Variants in ZNF71 observed in about 807,000 individuals in gnomAD.
The protein encoded by ZNF71 is endothelial zinc finger protein induced by tumor necrosis factor alpha.
A neutral mutation model predicts 6.7 loss-of-function variants in ZNF71; 3 were observed. The observed-to-expected ratio is 0.45, with a 90% CI of 0.20 to 1.16. ZNF71 has a LOEUF of 1.16. Ranked by LOEUF, ZNF71 falls within the 50% of genes most tolerant of loss-of-function variation. ZNF71 has a pLI of 0.25. For synonymous variants in ZNF71, 343 were observed against 311.1 expected, an observed-to-expected ratio of 1.10 and a Z score of -1.08; for missense variants, 688 against 728.6, an observed-to-expected ratio of 0.94 and a Z score of 0.64.
intron 1 of ZNF71, among the ~76,000 whole-genome samples, chr19:56,597,721 A>G (rs1232950750): frequency 1.4e-5 from 2 of 139,134 alleles, no homozygotes; most frequent in Non-Finnish European, 3.1e-5. Flanking sequence ...TTTTGTTTTC[A>G]GGGTTTTTTT....
Position 56,618,040 on chromosome 19 carries a change from A to G in ZNF71, c.161-3228A>G, listed in dbSNP as rs10405623. 0.32 allele frequency among the ~76,000 whole-genome samples: 48,630 copies of G among 151,772 alleles called. 9,806 individuals are homozygous for G. Among genetic ancestry groups the G allele is most frequent in the East Asian group, 0.67 (3,405 of 5,112 alleles). On this transcript the variant is annotated intron_variant, in intron 3 of 3. Coordinates refer to ENST00000599599, the MANE Select transcript of ZNF71 (RefSeq NM_001370215.1). The surrounding 1 kb of genome is among the most constrained non-coding windows in gnomAD (Gnocchi z 4.6). The stretch of plus-strand genomic sequence containing the variant: ...CACCGAGTCTACACCCCACACTACC[A>G]TCTGTGCCAGCATCTGGGCATTGTG...
At chr19:56,614,003 A>T (rs1284843385) in intron 3 of ZNF71, 65 bp downstream of exon 3, 17 of 651,830 alleles carry the variant, frequency 2.6e-5, no homozygotes, top group African/African-American at 4.6e-5. Context: ...AAATAAATTA[A>T]AAAAAAAAAA....
At chr19:56,619,925 A>G (rs1359372199) in intron 3 of ZNF71, among the ~76,000 whole-genome samples, 1 of 152,230 alleles carries the variant, frequency 6.6e-6, no homozygotes, top group Non-Finnish European at 1.5e-5. Context: ...ATCGAGGTTT[A>G]GAAATGAACA....
chr19:56,621,371 T>C lies in ZNF71; in HGVS notation c.264T>C (p.Asn88=), dbSNP rs1457813632. The change falls in exon 4 of 4, where the codon AAT becomes AAC. Residue 88 remains asparagine, a synonymous_variant. Coordinates refer to ENST00000599599, the MANE Select transcript of ZNF71 (RefSeq NM_001370215.1). Reference sequence around the variant, plus strand: ...AGGCCACGGGGGGACCCACGAGGAATGGTGCCAGGGGTCCTGGCTCAGAAG... The same window carrying C: ...AGGCCACGGGGGGACCCACGAGGAACGGTGCCAGGGGTCCTGGCTCAGAAG... The part of the protein sequence containing the change: ...VGEATGGPTR[N]GARGPGSEGV... 1.9e-6 allele frequency: 3 copies of C among 1,591,638 alleles called. No individual in the cohort carries two copies. The highest frequency in any genetic ancestry group is 2.6e-6 in the Non-Finnish European group (3 of 1,167,316).
In ZNF71 at chr19:56,623,426, A is replaced by T. The variant is rs1029851939; in HGVS notation, c.*669A>T. The T allele has an allele frequency of 6.0e-6, 1 of 167,114 alleles. No homozygotes were observed. Among genetic ancestry groups the T allele is most frequent in the Non-Finnish European group, 1.5e-5 (1 of 68,140 alleles). The allele number at this position is 167,114 out of a possible 1,614,324, so 10.4% of individuals were successfully genotyped here. A position where few individuals can be genotyped will look rare whatever the true frequency, so the allele number is the denominator to read the frequency against. ...TTTTTAAAAATAAAACTTTTAATTA[A>T]GGGAGACTATGTTATTTTAAACAGT... On this transcript the variant is annotated 3_prime_UTR_variant, in exon 4 of 4. Transcript: ENST00000599599.
rs990054898 is a variant in ZNF71, at chr19:56,618,630, G to A, written c.161-2638G>A. Among the ~76,000 whole-genome samples, 4 of 152,156 alleles carry A rather than the reference G, an allele frequency of 2.6e-5. No homozygotes were observed. The highest frequency in any genetic ancestry group is 2.0e-4 in the Admixed American group (3 of 15,282). ...GGTGGATTGGGAAGGCTCCCGTGGG[G>A]TTGTGGGGAAACAGGCCTGAAGGAT... On this transcript the variant is annotated intron_variant, in intron 3 of 3. Transcript: ENST00000599599. The surrounding 1 kb of genome is among the most constrained non-coding windows in gnomAD (Gnocchi z 4.6).
In ZNF71 at chr19:56,621,313, A is replaced by T; in HGVS notation, c.206A>T (p.Asp69Val). ...ATGAAAGAGTTGGATCCAAAGAATG[A>T]CATTTCGGAAGACAAGCTCTCCGTT... is the stretch of plus-strand genomic sequence containing the variant. ...PEMKELDPKNDISEDKLSVVG... is the reference protein window; with the variant it reads ...PEMKELDPKNVISEDKLSVVG... Residue 69 changes from aspartate to valine, a missense_variant, in exon 4 of 4, where the codon GAC becomes GTC. Asp to Val is a radical substitution (Grantham distance 152). Transcript: ENST00000599599. The T allele has an allele frequency of 6.6e-7, 1 of 1,523,372 alleles. No homozygotes were observed. Among genetic ancestry groups the T allele is most frequent in the Non-Finnish European group, 8.8e-7 (1 of 1,137,412 alleles). The allele number at this position is 1,523,372 out of a possible 1,614,324, so 94.4% of individuals were successfully genotyped here.
In ZNF71 at chr19:56,622,760, G is replaced by T. The variant is rs758050277; in HGVS notation, c.*3G>T. On this transcript the variant is annotated 3_prime_UTR_variant, in exon 4 of 4. Transcript: ENST00000599599. ...GCCACCTGCGGATTCACACCTGAGC[G>T]CCTCTGTGCAGGGCTCTCACTGGCG... The T allele has an allele frequency of 6.3e-7, 1 of 1,591,382 alleles. No homozygotes were observed. The highest frequency in any genetic ancestry group is 1.2e-5 in the South Asian group (1 of 86,378).
intron 2 of ZNF71, among the ~76,000 whole-genome samples, chr19:56,605,311 C>T (rs1213026504): frequency 2.6e-5 from 4 of 152,124 alleles, no homozygotes; most frequent in Non-Finnish European, 5.9e-5. Flanking sequence ...ACTCACATGC[C>T]ATGCTGTGAG....
At chr19:56,600,593 A>G (rs964017438) in intron 1 of ZNF71, among the ~76,000 whole-genome samples, 1 of 151,588 alleles carries the variant, frequency 6.6e-6, no homozygotes, top group South Asian at 2.1e-4. Context: ...TCTAGTCTCT[A>G]TCTCCATGAG....
At position 56,622,417 on chromosome 19, in the gene ZNF71, C is replaced by G; in HGVS notation, c.1310C>G (p.Thr437Ser). ...CTCACGCAGCACCAGCGCATCCACA[C>G]CGGCGAGAAGCCCTACGAGTGCTAC... is the stretch of plus-strand genomic sequence containing the variant. ...SSLTQHQRIH[T>S]GEKPYECYIC... The change falls in exon 4 of 4, where the codon ACC becomes AGC. Residue 437 changes from threonine to serine, a missense_variant. Coordinates refer to ENST00000599599, the MANE Select transcript of ZNF71 (RefSeq NM_001370215.1). The G allele has an allele frequency of 6.2e-7, 1 of 1,614,134 alleles. No individual in the cohort carries two copies. The highest frequency in any genetic ancestry group is 8.5e-7 in the Non-Finnish European group (1 of 1,180,004).
Position 56,618,182 on chromosome 19 carries a change from C to T in ZNF71, c.161-3086C>T, listed in dbSNP as rs56197475. Among the ~76,000 whole-genome samples the T allele has an allele frequency of 6.9e-3, 1,057 of 152,310 alleles. 5 individuals carry two copies. Among genetic ancestry groups the T allele is most frequent in the South Asian group, 0.011 (54 of 4,818 alleles). On this transcript the variant is annotated intron_variant, in intron 3 of 3. Transcript: ENST00000599599. The surrounding 1 kb of genome is among the most constrained non-coding windows in gnomAD (Gnocchi z 4.6). ...TGGTAATATAGCCACTCCTCAGGAG[C>T]CACAGCTCGGGGGCCACACTGCCAG... is the stretch of plus-strand genomic sequence containing the variant.
chr19:56,613,839 G>A lies in ZNF71; in HGVS notation c.61G>A (p.Val21Met). ...ATCAGTGACGTTCAGGGATGTGACTGTGGACTTCACCCAGGAGGAGTGGCA... is the reference window on the plus strand; with the variant it reads ...ATCAGTGACGTTCAGGGATGTGACTATGGACTTCACCCAGGAGGAGTGGCA... ...LESVTFRDVTVDFTQEEWQQL... is the reference protein window; with the variant it reads ...LESVTFRDVTMDFTQEEWQQL... The change falls in exon 3 of 4, where the codon GTG becomes ATG. Residue 21 changes from valine (V) to methionine (M), a missense_variant. Val to Met is a conservative substitution (Grantham distance 21). Transcript: ENST00000599599. This position sits in a 1 kb window ranked among gnomAD's most constrained non-coding sequence, Gnocchi z 4.6. 8.9e-7 allele frequency: 1 copy of A among 1,126,670 alleles called. No homozygotes were observed. The allele number at this position is 1,126,670 out of a possible 1,614,324, so 69.8% of individuals were successfully genotyped here. A position where few individuals can be genotyped will look rare whatever the true frequency, so the allele number is the denominator to read the frequency against.
Position 56,613,350 on chromosome 19 carries a change from C to T in ZNF71, c.34-462C>T, listed in dbSNP as rs576781842. On this transcript the variant is annotated intron_variant, in intron 2 of 3. Transcript: ENST00000599599. This position sits in a 1 kb window ranked among gnomAD's most constrained non-coding sequence, Gnocchi z 4.6. ...ATGATTGATTGCGTTTACCAAATTA[C>T]GTGTCTTTGTCTGCCTCTGCCATGA... is the stretch of plus-strand genomic sequence containing the variant. Among the ~76,000 whole-genome samples the T allele has an allele frequency of 2.6e-5, 4 of 152,222 alleles. No homozygotes were observed. The highest frequency in any genetic ancestry group is 4.4e-5 in the Non-Finnish European group (3 of 68,036).
In ZNF71 at chr19:56,621,606, C is replaced by G. The variant is rs367626222; in HGVS notation, c.499C>G (p.Arg167Gly). The G allele has an allele frequency of 2.5e-6, 4 of 1,614,066 alleles. No individual in the cohort carries two copies. The African/African-American group carries it at 4.0e-5, about 16-fold the overall frequency. ...TEKGACPPVR[R>G]GKNFSSTSDL... is the part of the protein sequence containing the mutation. ...AAAGGGGGCCTGTCCACCCGTAAGG[C>G]GTGGCAAGAACTTCTCCAGCACTTC... Residue 167 changes from arginine to glycine, a missense_variant, in exon 4 of 4, where the codon CGT becomes GGT. Physicochemically the swap from Arg to Gly is moderately radical, Grantham distance 125 (BLOSUM62 -2). Coordinates refer to ENST00000599599, the MANE Select transcript of ZNF71 (RefSeq NM_001370215.1).
At chr19:56,602,249 G>T (rs1226865169) in intron 2 of ZNF71, among the ~76,000 whole-genome samples, 4 of 152,110 alleles carry the variant, frequency 2.6e-5, no homozygotes, top group Admixed American at 1.3e-4. Context: ...TCTTTTTTTG[G>T]TTATAAACAG....
At position 56,621,789 on chromosome 19, in the gene ZNF71, A is replaced by T. The variant is rs1201124667; in HGVS notation, c.682A>T (p.Ile228Phe). The T allele has an allele frequency of 6.2e-7, 1 of 1,613,956 alleles. No homozygotes were observed. The highest frequency in any genetic ancestry group is 8.5e-7 in the Non-Finnish European group (1 of 1,180,034). The change falls in exon 4 of 4, where the codon ATC (isoleucine) becomes TTC (phenylalanine). Residue 228 changes from isoleucine to phenylalanine, a missense_variant. Physicochemically the swap from Ile to Phe is conservative, Grantham distance 21. Coordinates refer to ENST00000599599, the MANE Select transcript of ZNF71 (RefSeq NM_001370215.1). ...GTGTGACACCTGTGGGAAGCACTTCATCGAGCGCTCGTCCCTCACCATCCA... is the reference window on the plus strand; with the variant it reads ...GTGTGACACCTGTGGGAAGCACTTCTTCGAGCGCTCGTCCCTCACCATCCA... The part of the protein sequence containing the change: ...FECDTCGKHF[I>F]ERSSLTIHQR...
rs114440704 is a variant in ZNF71 at position 56,618,314 on chromosome 19, A to G, written c.161-2954A>G. ...CAGCAAAATGAGGATGGTCATAACT[A>G]TCTACTACTGTATGTAACTCAAGTA... On this transcript the variant is annotated intron_variant, in intron 3 of 3. Coordinates refer to ENST00000599599, the MANE Select transcript of ZNF71 (RefSeq NM_001370215.1). The surrounding 1 kb of genome is among the most constrained non-coding windows in gnomAD (Gnocchi z 4.6). Among the ~76,000 whole-genome samples the G allele has an allele frequency of 0.028, 4,232 of 152,236 alleles. 173 individuals are homozygous for G. Among genetic ancestry groups the G allele is most frequent in the African/African-American group, 0.09 (3,755 of 41,526 alleles).
At chr19:56,595,853 T>TGTTTG (rs142255107) in intron 1 of ZNF71, among the ~76,000 whole-genome samples, 1 of 137,502 alleles carries the variant, frequency 7.3e-6, no homozygotes, top group Non-Finnish European at 1.6e-5. Context: ...GTGTGTGTGT[T>TGTTTG]TGTGTGTGTG....
Sources: gnomAD v4.1 joint callset for allele counts (sites outside exome capture counted in the v4.1 genomes callset) on GRCh38, gnomAD v4.1.1 for gene constraint, Gnocchi (gnomAD v3.1) non-coding constraint, MANE v1.5 for transcripts, NCBI Gene and HGNC (gene_info 2026-07-23, HGNC 2026-07-21) for gene names.